Variants in CACNA2D2 observed in about 807,000 individuals in gnomAD.
The protein encoded by CACNA2D2 is calcium voltage-gated channel auxiliary subunit alpha2delta 2.
CACNA2D2 carries 48 observed loss-of-function variants against 166.4 expected under a neutral mutation model. The observed-to-expected ratio is 0.29, with a 90% CI of 0.23 to 0.37. The LOEUF is 0.37. Ranked by LOEUF, CACNA2D2 falls within the 10% of genes least tolerant of loss-of-function variation. The pLI, the probability that CACNA2D2 is intolerant of heterozygous loss-of-function variation, is 1.00. For missense variants in CACNA2D2, 1,122 were observed against 1,433.0 expected, an observed-to-expected ratio of 0.78 and a Z score of 3.50; for synonymous variants, 561 against 573.7, an observed-to-expected ratio of 0.98 and a Z score of 0.32.
chr3:50,438,971 C>A (rs921368082), intron 2 of CACNA2D2, among the ~76,000 whole-genome samples: 15 of 152,336 alleles, frequency 9.8e-5, no homozygotes, highest in African/African-American at 2.9e-4. Flanking sequence ...TCTCCTACAA[C>A]CCCTGAGGAG....
chr3:50,439,729 T>C (rs774463077), intron 2 of CACNA2D2, among the ~76,000 whole-genome samples: 6 of 152,182 alleles, frequency 3.9e-5, no homozygotes, highest in African/African-American at 1.2e-4. Flanking sequence ...GGGTCTGCAG[T>C]TGGAGGCCGG....
chr3:50,379,784 T>A lies in CACNA2D2; in HGVS notation c.934A>T (p.Thr312Ser), dbSNP rs1034742584. The A allele has an allele frequency of 5.0e-6, 8 of 1,613,790 alleles. No individual in the cohort carries two copies. The highest frequency in any genetic ancestry group is 6.8e-6 in the Non-Finnish European group (8 of 1,180,032). Residue 312 changes from threonine to serine, a missense_variant, in exon 10 of 38, where the codon ACA becomes TCA. By Grantham distance (58) the Thr-to-Ser change is moderately conservative (BLOSUM62 1). Around this residue, in one of 2 missense-constraint regions of CACNA2D2, gnomAD observed 840 missense variants for 1,166.8 expected, o/e 0.72. Transcript: ENST00000424201. The surrounding 1 kb of genome is among the most constrained non-coding windows in gnomAD (Gnocchi z 6.5). ...GTGTCCAGCATCTCGCAGACAGATG[T>A]CTTCATCAGCTTCAGGGTCAGGCCG... ...VSGLTLKLMKTSVCEMLDTLS... is the reference protein window; with the variant it reads ...VSGLTLKLMKSSVCEMLDTLS...
At chr3:50,472,723 G>C (rs935564747) in intron 2 of CACNA2D2, among the ~76,000 whole-genome samples, 2 of 152,110 alleles carry the variant, frequency 1.3e-5, no homozygotes, top group African/African-American at 4.8e-5. Context: ...GAGTGACCTG[G>C]GCTTCAGAGA....
chr3:50,480,123 C>T (rs1697983631), intron 1 of CACNA2D2, among the ~76,000 whole-genome samples: 1 of 152,058 alleles, frequency 6.6e-6, no homozygotes. Flanking sequence ...AATTGAAGCC[C>T]CTGGTAAGGA....
intron 6 of CACNA2D2, among the ~76,000 whole-genome samples, chr3:50,382,064 C>G (rs1179739094): frequency 2.0e-5 from 3 of 151,826 alleles, no homozygotes; most frequent in African/African-American, 7.3e-5. Flanking sequence ...TCCTGCGGAC[C>G]CTTCAACCTG....
chr3:50,427,704 G>A lies in CACNA2D2; in HGVS notation c.405+6609C>T, dbSNP rs113669272. ...CTGCACCTTTTAGAGCTTCCCTAGT[G>A]TGGAGTCAGATCCCAGAGGCTGAGC... On this transcript the variant is annotated intron_variant, in intron 3 of 37. Transcript: ENST00000424201. The surrounding 1 kb of genome is among the most constrained non-coding windows in gnomAD (Gnocchi z 4.7). Among the ~76,000 whole-genome samples, 2,245 of 152,338 alleles carry A rather than the reference G, an allele frequency of 0.015. 35 individuals are homozygous for A. Among genetic ancestry groups the A allele is most frequent in the Middle Eastern group, 0.058 (17 of 294 alleles).
intron 1 of CACNA2D2, among the ~76,000 whole-genome samples, chr3:50,482,170 C>T (rs1698081061): frequency 6.6e-6 from 1 of 152,224 alleles, no homozygotes; most frequent in Non-Finnish European, 1.5e-5. Context: ...CTTCCCCCAG[C>T]AGTCACTCCA....
At chr3:50,408,155 A>G (rs529360569) in intron 3 of CACNA2D2, among the ~76,000 whole-genome samples, 1 of 152,294 alleles carries the variant, frequency 6.6e-6, no homozygotes, top group Middle Eastern at 3.4e-3. Context: ...AGACCACACA[A>G]TGATCAAATG....
At chr3:50,476,244 A>G (rs776033608) in intron 1 of CACNA2D2, 45 bp from the exon 2 acceptor site, 26 of 1,493,508 alleles carry the variant, frequency 1.7e-5, no homozygotes, top group Non-Finnish European at 2.2e-5. Context: ...GCCTGCCCAG[A>G]GCTGCACAGC....
intron 5 of CACNA2D2, among the ~76,000 whole-genome samples, chr3:50,385,223 A>T (rs1042527026): frequency 6.6e-6 from 1 of 152,196 alleles, no homozygotes; most frequent in South Asian, 2.1e-4. Flanking sequence ...AGTGAAGGTG[A>T]AGAGGAAAAA....
chr3:50,378,130 G>T (rs773198948), intron 14 of CACNA2D2, 33 bp from the exon 15 acceptor site: 7 of 1,600,988 alleles, frequency 4.4e-6, no homozygotes, highest in Non-Finnish European at 6.0e-6. Flanking sequence ...GGTAATGAGT[G>T]CCTTTCCCAG....
rs750298383 is a variant in CACNA2D2 at position 50,376,138 on chromosome 3, C to T, written c.1677G>A (p.Leu559=). The T allele has an allele frequency of 1.2e-6, 2 of 1,613,538 alleles. No homozygotes were observed. Among genetic ancestry groups the T allele is most frequent in the East Asian group, 4.5e-5 (2 of 44,878 alleles). ...CCTGGGGCTTGAGATTGGGGTGCAG[C>T]AACACGTAGCCGTTCAGGTCAATGG... ...VFAIDLNGYV[L]LHPNLKPQTT... Residue 559 remains leucine, a synonymous_variant, in exon 18 of 38, where the codon TTG becomes TTA. Transcript: ENST00000424201. The surrounding 1 kb of genome is among the most constrained non-coding windows in gnomAD (Gnocchi z 4.3).
intron 5 of CACNA2D2, among the ~76,000 whole-genome samples, chr3:50,384,967 G>A (rs938216198): frequency 1.5e-4 from 23 of 152,222 alleles, no homozygotes; most frequent in Non-Finnish European, 2.9e-4. Flanking sequence ...GAGGGTCTGC[G>A]GTGCCTGGTA....
At chr3:50,408,798 G>A (rs958701829) in intron 3 of CACNA2D2, among the ~76,000 whole-genome samples, 7 of 152,212 alleles carry the variant, frequency 4.6e-5, no homozygotes, top group African/African-American at 1.7e-4. Flanking sequence ...GACAGGTAGG[G>A]CCCACCTGGG....
At chr3:50,422,336 C>G (rs1396814167) in intron 3 of CACNA2D2, among the ~76,000 whole-genome samples, 1 of 152,200 alleles carries the variant, frequency 6.6e-6, no homozygotes, top group Non-Finnish European at 1.5e-5. Flanking sequence ...ATCTTCCACT[C>G]CACTCCCCCA....
At chr3:50,481,171 G>C (rs1327090621) in intron 1 of CACNA2D2, among the ~76,000 whole-genome samples, 1 of 152,042 alleles carries the variant, frequency 6.6e-6, no homozygotes, top group Non-Finnish European at 1.5e-5. Flanking sequence ...GAGGGCACGG[G>C]TGGGTGTGGG....
rs548862997 is a variant in CACNA2D2 at position 50,440,799 on chromosome 3, T to C, written c.289-6370A>G. ...GGACTCTCTATCCAGAGGGGACAGA[T>C]GCCCAGACAGGTGGCAGTAGACAGA... On this transcript the variant is annotated intron_variant, in intron 2 of 37. Coordinates refer to ENST00000424201, the MANE Select transcript of CACNA2D2 (RefSeq NM_006030.4). Among the ~76,000 whole-genome samples, 18 of 152,104 alleles carry C rather than the reference T, an allele frequency of 1.2e-4. No homozygotes were observed. In the South Asian group the frequency reaches 2.5e-3, roughly 21 times the overall value.
At chr3:50,373,627 GTGCT>G (rs1704782417) in intron 22 of CACNA2D2, among the ~76,000 whole-genome samples, 2 of 98,332 alleles carry the variant, frequency 2.0e-5, no homozygotes, top group Non-Finnish European at 4.2e-5. Context: ...AGGGGGGGGG[GTGCT>G]GGGGTGGGGA....
At chr3:50,381,981 T>TACACACACACACACAC (rs34662551) in intron 6 of CACNA2D2, among the ~76,000 whole-genome samples, 1 of 133,348 alleles carries the variant, frequency 7.5e-6, no homozygotes, top group African/African-American at 2.9e-5. Context: ...GATCTATCCC[T>TACACACACACACACAC]ACACACACAC....
Sources: allele counts gnomAD v4.1 joint callset (sites outside exome capture counted in the v4.1 genomes callset), GRCh38; gene constraint gnomAD v4.1.1; regional missense constraint gnomAD v4.1.1; non-coding constraint Gnocchi (gnomAD v3.1); transcripts MANE v1.5; gene names NCBI Gene and HGNC (gene_info 2026-07-23, HGNC 2026-07-21).